The following ULK4 variants were observed in gnomAD, a reference collection of about 807,000 sequenced individuals.
ULK4 encodes the protein unc-51 like kinase 4, also known as inactive serine/threonine-protein kinase ULK4.
ULK4 carries 133 observed loss-of-function variants against 160.6 expected under a neutral mutation model. That is an observed-to-expected ratio of 0.83 (90% CI 0.72 to 0.96). The LOEUF (loss-of-function observed/expected upper bound fraction) is 0.96. ULK4 is among the 40% of genes least tolerant of loss of function. The pLI is 0.00. For synonymous variants in ULK4, 534 were observed against 539.8 expected, an observed-to-expected ratio of 0.99 and a Z score of 0.15; for missense variants, 1,580 against 1,499.5, an observed-to-expected ratio of 1.05 and a Z score of -0.89.
At chr3:41,600,468 C>T (rs2031984912) in intron 31 of ULK4, among the ~76,000 whole-genome samples, 1 of 152,158 alleles carries the variant, frequency 6.6e-6, no homozygotes, top group South Asian at 2.1e-4. Context: ...TGGGAGTTCA[C>T]TCTGACAGGA....
In ULK4 at chr3:41,715,524, G is replaced by T; in HGVS notation, c.2500C>A (p.Pro834Thr). ...SLANVSGRKH[P>T]STVQVKQLKL... ...AGCTGTTTCACTTGAACTGTTGATG[G>T]GTGTTTACGTCCAGAAACATTAGCC... The change falls in exon 24 of 37, where the codon CCA becomes ACA. Residue 834 changes from proline to threonine, a missense_variant. Physicochemically the swap from Pro to Thr is conservative, Grantham distance 38. Transcript: ENST00000301831. 1.2e-6 allele frequency: 2 copies of T among 1,614,058 alleles called. No individual in the cohort carries two copies. The highest frequency in any genetic ancestry group is 1.3e-5 in the African/African-American group (1 of 75,034).
chr3:41,653,089 G>A lies in ULK4; in HGVS notation c.3071+10518C>T, dbSNP rs192531953. Among the ~76,000 whole-genome samples the A allele has an allele frequency of 9.3e-3, 1,409 of 152,142 alleles. 22 individuals are homozygous for A. Among genetic ancestry groups the A allele is most frequent in the African/African-American group, 0.032 (1,315 of 41,446 alleles). On this transcript the variant is annotated intron_variant, in intron 30 of 36. Coordinates refer to ENST00000301831, the MANE Select transcript of ULK4 (RefSeq NM_017886.4). ...CTATCCCGGGCCCAGCTAATTCCTAGAGACAGCAAAGAACTAGCCTTCGGG... is the reference window on the plus strand; with the variant it reads ...CTATCCCGGGCCCAGCTAATTCCTAAAGACAGCAAAGAACTAGCCTTCGGG...
intron 16 of ULK4, among the ~76,000 whole-genome samples, chr3:41,892,540 G>T (rs548510989): frequency 6.6e-6 from 1 of 152,304 alleles, no homozygotes; most frequent in Non-Finnish European, 1.5e-5. Context: ...GCTGACACAT[G>T]TTAGTTATAA....
intron 22 of ULK4, among the ~76,000 whole-genome samples, chr3:41,725,092 G>A (rs1406573451): frequency 6.6e-6 from 1 of 152,074 alleles, no homozygotes; most frequent in African/African-American, 2.4e-5. Flanking sequence ...GTCTTTGAAT[G>A]AACCATAATT....
chr3:41,602,036 G>T (rs1209737535), intron 31 of ULK4, among the ~76,000 whole-genome samples: 1 of 151,732 alleles, frequency 6.6e-6, no homozygotes, highest in Non-Finnish European at 1.5e-5. Flanking sequence ...TCTACAAAAA[G>T]TAAAATAAAA....
At chr3:41,303,829 T>C (rs1232683993) in intron 35 of ULK4, among the ~76,000 whole-genome samples, 4 of 151,848 alleles carry the variant, frequency 2.6e-5, no homozygotes, top group African/African-American at 9.7e-5. Flanking sequence ...GGGATTGAAT[T>C]TGGGGGCTGT....
At chr3:41,701,904 G>C (rs1040668188) in intron 27 of ULK4, among the ~76,000 whole-genome samples, 2 of 151,324 alleles carry the variant, frequency 1.3e-5, no homozygotes, top group African/African-American at 4.9e-5. Flanking sequence ...ACCAGTAAAA[G>C]AATAGAAAGA....
At chr3:41,290,483 G>A (rs1311215029) in intron 35 of ULK4, among the ~76,000 whole-genome samples, 1 of 152,122 alleles carries the variant, frequency 6.6e-6, no homozygotes, top group Non-Finnish European at 1.5e-5. Flanking sequence ...TTACTCTTTA[G>A]GTTATAGTGC....
At chr3:41,904,527 TTATA>T (rs1159773241) in intron 12 of ULK4, among the ~76,000 whole-genome samples, 3 of 152,192 alleles carry the variant, frequency 2.0e-5, no homozygotes, top group Admixed American at 1.3e-4. Context: ...AATAGAATGA[TTATA>T]TACTCTTCTT....
chr3:41,680,461 C>T lies in ULK4; in HGVS notation c.2978+1047G>A, dbSNP rs139970236. On this transcript the variant is annotated intron_variant, in intron 29 of 36. Coordinates refer to ENST00000301831, the MANE Select transcript of ULK4 (RefSeq NM_017886.4). ...GAGCCAAAGGGTCGACACAGAACAC[C>T]CACACACTTAGTAAAAGGTACCTTC... Among the ~76,000 whole-genome samples the T allele has an allele frequency of 1.2e-4, 19 of 152,186 alleles. No individual in the cohort carries two copies. In the East Asian group the frequency reaches 3.7e-3, roughly 29 times the overall value.
chr3:41,904,042 A>G (rs112135649), intron 12 of ULK4, among the ~76,000 whole-genome samples: 3 of 151,852 alleles, frequency 2.0e-5, no homozygotes, highest in Non-Finnish European at 4.4e-5. Context: ...ATTATATCGT[A>G]AATAATTTTT....
chr3:41,599,038 A>G (rs2031881386), intron 31 of ULK4, among the ~76,000 whole-genome samples: 1 of 152,148 alleles, frequency 6.6e-6, no homozygotes, highest in Non-Finnish European at 1.5e-5. Context: ...CCAACATCAA[A>G]GCTAGCCAAT....
chr3:41,882,410 C>T (rs1003636625), intron 17 of ULK4: 37 of 639,222 alleles, frequency 5.8e-5, no homozygotes, highest in Non-Finnish European at 8.1e-5. Context: ...AGTTGATCAT[C>T]TCAATTCAGA....
chr3:41,722,111 G>A (rs1559508232), intron 22 of ULK4, among the ~76,000 whole-genome samples: 1 of 152,174 alleles, frequency 6.6e-6, no homozygotes, highest in South Asian at 2.1e-4. Flanking sequence ...TAGGACTGCT[G>A]TGAGGATGTA....
chr3:41,651,832 T>C (rs908279771), intron 30 of ULK4, among the ~76,000 whole-genome samples: 1 of 152,154 alleles, frequency 6.6e-6, no homozygotes, highest in Non-Finnish European at 1.5e-5. Context: ...ACCCAGGCAG[T>C]TCTGACCAAA....
At chr3:41,538,164 T>C (rs1344949306) in intron 32 of ULK4, among the ~76,000 whole-genome samples, 1 of 152,134 alleles carries the variant, frequency 6.6e-6, no homozygotes, top group East Asian at 1.9e-4. Flanking sequence ...ATCTTTCTTT[T>C]GCTTTAATCA....
chr3:41,748,281 TATTATA>T (rs2038490954), intron 22 of ULK4, among the ~76,000 whole-genome samples: 1 of 151,106 alleles, frequency 6.6e-6, no homozygotes, highest in South Asian at 2.1e-4. Context: ...ACACGATATA[TATTATA>T]TATATACACA....
chr3:41,319,612 G>A (rs1019714143), intron 35 of ULK4, among the ~76,000 whole-genome samples: 6 of 152,192 alleles, frequency 3.9e-5, no homozygotes, highest in African/African-American at 1.2e-4. Context: ...ATCTGCCAAA[G>A]CAAAGGCTAT....
intron 35 of ULK4, among the ~76,000 whole-genome samples, chr3:41,347,746 G>A (rs1463252908): frequency 6.6e-6 from 1 of 151,996 alleles, no homozygotes; most frequent in East Asian, 1.9e-4. Flanking sequence ...TCTGTGCATG[G>A]GCCACTTCTT....
Sources: gnomAD v4.1 joint callset for allele counts (sites outside exome capture counted in the v4.1 genomes callset) on GRCh38, gnomAD v4.1.1 for gene constraint, MANE v1.5 for transcripts, NCBI Gene and HGNC (gene_info 2026-07-23, HGNC 2026-07-21) for gene names.